Variants in PPA2 observed in about 807,000 individuals in gnomAD.
The protein encoded by PPA2 is inorganic pyrophosphatase 2, mitochondrial.
Under a neutral mutation model 49.5 loss-of-function variants are expected in PPA2, and 48 were observed. The observed-to-expected ratio is 0.97, with a 90% CI of 0.77 to 1.23. PPA2 has a LOEUF of 1.23. PPA2 is among the 50% of genes most tolerant of loss of function. The pLI is 0.00. For synonymous variants in PPA2, 131 were observed against 139.9 expected (o/e 0.94, Z 0.45); for missense variants, 429 against 410.1 (o/e 1.05, Z -0.40).
rs1479293672 is a variant in PPA2, at chr4:105,390,304, TG to T, written c.870-3669del. On this transcript the variant is annotated intron_variant, in intron 9 of 11. Coordinates refer to ENST00000341695, the MANE Select transcript of PPA2 (RefSeq NM_176869.3). ...AAACAATTACAACAAAAGCCAAAAT[TG>T]GTAAGTGGGATCTAATCAAACTAAA... Among the ~76,000 whole-genome samples, 7 of 151,518 alleles carry T rather than the reference TG, an allele frequency of 4.6e-5. No homozygotes were observed. The East Asian group carries it at 1.3e-3, about 29-fold the overall frequency.
At chr4:105,390,067 T>C (rs1047053926) in intron 9 of PPA2, among the ~76,000 whole-genome samples, 1 of 152,164 alleles carries the variant, frequency 6.6e-6, no homozygotes, top group Non-Finnish European at 1.5e-5. Context: ...GGGAAATGAT[T>C]CCCTATTTTA....
At chr4:105,469,417 G>C (rs1460358723) in intron 1 of PPA2, among the ~76,000 whole-genome samples, 6 of 152,186 alleles carry the variant, frequency 3.9e-5, no homozygotes, top group African/African-American at 7.2e-5. Flanking sequence ...ACTTACACTA[G>C]AGCAAGTGAG....
At chr4:105,450,142 G>A (rs1208934591) in intron 3 of PPA2, among the ~76,000 whole-genome samples, 1 of 152,004 alleles carries the variant, frequency 6.6e-6, no homozygotes, top group African/African-American at 2.4e-5. Flanking sequence ...CTTACAAAGA[G>A]AAAGTCTTAA....
At chr4:105,428,120 G>T (rs1000849288) in intron 6 of PPA2, among the ~76,000 whole-genome samples, 1 of 152,066 alleles carries the variant, frequency 6.6e-6, no homozygotes, top group Non-Finnish European at 1.5e-5. Flanking sequence ...GTGAAGGAGA[G>T]ATAAAATCCT....
At chr4:105,370,301 A>T (rs1475384586) in intron 11 of PPA2, among the ~76,000 whole-genome samples, 1 of 152,220 alleles carries the variant, frequency 6.6e-6, no homozygotes, top group African/African-American at 2.4e-5. Flanking sequence ...ATATTAAAAC[A>T]AAAAGCCAAA....
intron 7 of PPA2, among the ~76,000 whole-genome samples, chr4:105,421,583 T>TA (rs1047782414): frequency 1.3e-5 from 2 of 152,182 alleles, no homozygotes; most frequent in African/African-American, 2.4e-5. Context: ...TTTTCAAAAA[T>TA]AAAAAACATT....
intron 9 of PPA2, among the ~76,000 whole-genome samples, chr4:105,390,841 G>A (rs1423315366): frequency 6.6e-6 from 1 of 152,098 alleles, no homozygotes; most frequent in African/African-American, 2.4e-5. Context: ...CTGGGTATAT[G>A]CCCAAAGAAA....
chr4:105,454,473 G>A (rs1722801668), intron 2 of PPA2, among the ~76,000 whole-genome samples: 1 of 152,030 alleles, frequency 6.6e-6, no homozygotes, highest in South Asian at 2.1e-4. Context: ...TGGGACTACA[G>A]GCGCCCGCTA....
chr4:105,374,795 C>A (rs1013332382), intron 10 of PPA2, among the ~76,000 whole-genome samples: 1 of 151,556 alleles, frequency 6.6e-6, no homozygotes, highest in African/African-American at 2.4e-5. Context: ...ATTTTTCATT[C>A]AGGTGATGCA....
intron 9 of PPA2, among the ~76,000 whole-genome samples, chr4:105,395,567 G>A (rs1025436874): frequency 2.0e-5 from 3 of 152,138 alleles, no homozygotes; most frequent in Non-Finnish European, 4.4e-5. Flanking sequence ...TAAAACTAAC[G>A]AGGCTTTAAA....
Position 105,369,814 on chromosome 4 carries a change from G to A in PPA2, c.977-61C>T, listed in dbSNP as rs1272707981. 5.6e-5 allele frequency: 81 copies of A among 1,439,194 alleles called. No homozygotes were observed. In the South Asian group the frequency reaches 8.7e-4, roughly 15 times the overall value. 89.2% of individuals were successfully genotyped at this position (1,439,194 alleles called of 1,614,324 possible). ...GGGATAAGAGGAGGGAGAAGGGAGT[G>A]ATTAATCAAATTTAATTTCGACTTT... On this transcript the variant is annotated intron_variant, in intron 11 of 11. Transcript: ENST00000341695.
At chr4:105,373,410 G>A (rs1008569197) in intron 10 of PPA2, among the ~76,000 whole-genome samples, 2 of 151,994 alleles carry the variant, frequency 1.3e-5, no homozygotes, top group African/African-American at 2.4e-5. Flanking sequence ...CTTAAATTGT[G>A]CAGGATGCCT....
intron 10 of PPA2, 27 bp from the exon 11 acceptor site, chr4:105,370,900 T>C: frequency 6.9e-7 from 1 of 1,449,372 alleles, no homozygotes; most frequent in Non-Finnish European, 9.2e-7. Flanking sequence ...AGAAAGAATC[T>C]CTGTTACAAT....
chr4:105,438,110 C>A, intron 5 of PPA2, 74 bp from the exon 6 acceptor site: 1 of 1,070,782 alleles, frequency 9.3e-7, no homozygotes, highest in South Asian at 1.6e-5. Flanking sequence ...TCCACATAAT[C>A]ACAAAGTTTT....
chr4:105,395,139 A>G (rs754270644), intron 9 of PPA2, among the ~76,000 whole-genome samples: 51 of 151,288 alleles, frequency 3.4e-4, no homozygotes, highest in Admixed American at 6.0e-4. Context: ...CAAGGAGTTG[A>G]CAGTGTTTCT....
At chr4:105,429,852 A>C (rs1296377055) in intron 6 of PPA2, among the ~76,000 whole-genome samples, 2 of 152,212 alleles carry the variant, frequency 1.3e-5, no homozygotes, top group African/African-American at 4.8e-5. Flanking sequence ...GTAAAGCCTT[A>C]AGAAAATAAT....
At chr4:105,433,282 T>G (rs1284284450) in intron 6 of PPA2, among the ~76,000 whole-genome samples, 1 of 152,300 alleles carries the variant, frequency 6.6e-6, no homozygotes, top group East Asian at 1.9e-4. Flanking sequence ...CATGTAACCA[T>G]TGTTTACAGC....
chr4:105,410,382 T>C (rs894338657), intron 7 of PPA2, among the ~76,000 whole-genome samples: 1 of 151,996 alleles, frequency 6.6e-6, no homozygotes, highest in East Asian at 1.9e-4. Flanking sequence ...TGAAAAGAAA[T>C]GAATAAAGCC....
chr4:105,418,772 A>G (rs1723121339), intron 7 of PPA2, among the ~76,000 whole-genome samples: 1 of 152,252 alleles, frequency 6.6e-6, no homozygotes, highest in Non-Finnish European at 1.5e-5. Context: ...AAGTTGAAAT[A>G]GCATCTAGGC....
Sources: allele counts gnomAD v4.1 joint callset (sites outside exome capture counted in the v4.1 genomes callset), GRCh38; gene constraint gnomAD v4.1.1; transcripts MANE v1.5; gene names NCBI Gene and HGNC (gene_info 2026-07-23, HGNC 2026-07-21).